The following PPFIA3 variants were observed in gnomAD, a reference collection of about 807,000 sequenced individuals.
PPFIA3 encodes the protein PPFI scaffold protein A3, also known as liprin-alpha-3.
Under a neutral mutation model 145.8 loss-of-function variants are expected in PPFIA3, and 26 were observed. That is an observed-to-expected ratio of 0.18 (90% CI 0.13 to 0.25). PPFIA3 has a LOEUF of 0.25. PPFIA3 is among the 10% of genes least tolerant of loss of function. PPFIA3 has a pLI of 1.00. For synonymous variants in PPFIA3, 645 were observed against 661.4 expected, an observed-to-expected ratio of 0.98 and a Z score of 0.38; for missense variants, 1,008 against 1,587.8, an observed-to-expected ratio of 0.63 and a Z score of 6.21.
At chr19:49,147,392 A>G (rs2041292282) in intron 23 of PPFIA3, among the ~76,000 whole-genome samples, 2 of 152,102 alleles carry the variant, frequency 1.3e-5, no homozygotes, top group African/African-American at 2.4e-5. Context: ...TCTCTAAAAA[A>G]TAAACAAATA....
intron 1 of PPFIA3, among the ~76,000 whole-genome samples, chr19:49,121,162 C>G (rs8101098): frequency 1.3e-5 from 2 of 151,956 alleles, no homozygotes; most frequent in Non-Finnish European, 2.9e-5. Context: ...TCCATTGCCC[C>G]CTGAGGCTCA....
chr19:49,125,234 AG>A (rs1380140440), intron 1 of PPFIA3: 1 of 152,420 alleles, frequency 6.6e-6, no homozygotes, highest in Admixed American at 6.5e-5. Context: ...CTCCTCTCCC[AG>A]GGCCCACGGC....
intron 15 of PPFIA3, 101 bp from the exon 16 acceptor site, chr19:49,138,104 C>T: frequency 2.1e-6 from 3 of 1,418,608 alleles, no homozygotes; most frequent in Non-Finnish European, 2.8e-6. Context: ...CCCAGAATTC[C>T]CATTGCCCCA....
chr19:49,142,089 G>C lies in PPFIA3; in HGVS notation c.2518G>C (p.Gly840Arg). 1 of 1,576,656 alleles carries C rather than the reference G, an allele frequency of 6.3e-7. No individual in the cohort carries two copies. Among genetic ancestry groups the C allele is most frequent in the Non-Finnish European group, 8.6e-7 (1 of 1,160,874 alleles). Residue 840 changes from glycine (G) to arginine (R), a missense_variant, in exon 20 of 30, where the codon GGG becomes CGG. Physicochemically the swap from Gly to Arg is moderately radical, Grantham distance 125 (BLOSUM62 -2). Transcript: ENST00000334186. Reference protein sequence around the residue: ...RQGLPFAAWDGPTVVSWLELW... With the variant: ...RQGLPFAAWDRPTVVSWLELW... ...GGGCCTACCTTTTGCTGCCTGGGAC[G>C]GGCCCACCGTGGTGTCCTGGCTGGA...
At chr19:49,132,956 C>T (rs2041092756) in intron 7 of PPFIA3, 45 bp from the exon 8 acceptor site, 1 of 1,588,326 alleles carries the variant, frequency 6.3e-7, no homozygotes, top group South Asian at 1.1e-5. Flanking sequence ...CCCGTCCTCT[C>T]CCCCAGGGGC....
At chr19:49,140,493 C>T (rs1012857061) in intron 18 of PPFIA3, among the ~76,000 whole-genome samples, 4 of 151,106 alleles carry the variant, frequency 2.6e-5, no homozygotes, top group South Asian at 4.2e-4. Context: ...GGACTATAGG[C>T]GCCCGCCACT....
intron 1 of PPFIA3, among the ~76,000 whole-genome samples, chr19:49,126,500 C>T (rs2041001013): frequency 6.6e-6 from 1 of 151,642 alleles, no homozygotes; most frequent in South Asian, 2.1e-4. Flanking sequence ...ATCTGCCCAT[C>T]TCGGCCTCCC....
chr19:49,144,932 C>CTTTT (rs1228634412), intron 21 of PPFIA3, among the ~76,000 whole-genome samples: 2 of 136,436 alleles, frequency 1.5e-5, no homozygotes, highest in African/African-American at 5.4e-5. Flanking sequence ...TCTTTTCTTT[C>CTTTT]TTTTTTTTTT....
Position 49,136,741 on chromosome 19 carries a change from C to T in PPFIA3, c.1683C>T (p.Ala561=). 6.5e-7 allele frequency: 1 copy of T among 1,546,364 alleles called. No homozygotes were observed. Among genetic ancestry groups the T allele is most frequent in the Non-Finnish European group, 8.8e-7 (1 of 1,142,032 alleles). ...AGGGATAGGATTGGGAGCGGTCTGC[C>T]CCTGCGGGCTCCATACCACCCCCAT... The part of the protein sequence containing the change: ...EEPSKDWERS[A]PAGSIPPPFP... The change falls in exon 15 of 30, where the codon GCC becomes GCT. Residue 561 remains alanine (A), a synonymous_variant. Transcript: ENST00000334186.
At chr19:49,135,032 G>GTTTTTTT in intron 13 of PPFIA3, 117 bp downstream of exon 13, 3 of 662,798 alleles carry the variant, frequency 4.5e-6, no homozygotes, top group South Asian at 2.6e-5. Context: ...CTCTGTTTTT[G>GTTTTTTT]TTTTTTGTTT....
At chr19:49,146,133 C>T (rs373212166) in intron 22 of PPFIA3, 33 bp from the exon 23 acceptor site, 23 of 1,614,036 alleles carry the variant, frequency 1.4e-5, no homozygotes, top group East Asian at 4.5e-5. Flanking sequence ...CTTAACTCAC[C>T]CCTTCTCTCC....
intron 18 of PPFIA3, among the ~76,000 whole-genome samples, 158 bp from the exon 19 acceptor site, chr19:49,141,262 C>A (rs2041217883): frequency 6.6e-6 from 1 of 152,246 alleles, no homozygotes; most frequent in Non-Finnish European, 1.5e-5. Context: ...GACTCCAATT[C>A]ATGGGCGCTT....
At chr19:49,131,588 T>C (rs1600331951) in intron 7 of PPFIA3, among the ~76,000 whole-genome samples, 1 of 151,812 alleles carries the variant, frequency 6.6e-6, no homozygotes, top group East Asian at 1.9e-4. Context: ...CCTGGATTCT[T>C]GAAGGCAGTG....
At chr19:49,124,527 G>A (rs1438541117) in intron 1 of PPFIA3, among the ~76,000 whole-genome samples, 2 of 152,134 alleles carry the variant, frequency 1.3e-5, no homozygotes, top group South Asian at 2.1e-4. Flanking sequence ...CTCTTGGCTG[G>A]TTCTAGATTA....
intron 5 of PPFIA3, 62 bp downstream of exon 5, chr19:49,129,516 G>A: frequency 6.6e-7 from 1 of 1,518,492 alleles, no homozygotes; most frequent in Non-Finnish European, 8.9e-7. Flanking sequence ...GGCTGCCCAC[G>A]GGGCGGAGCC....
chr19:49,123,336 G>T (rs10418960), intron 1 of PPFIA3, among the ~76,000 whole-genome samples: 2,081 of 151,934 alleles, frequency 0.014, 39 homozygotes, highest in African/African-American at 0.038. Flanking sequence ...GCCTGTTATC[G>T]TTGTTTAGAC....
At chr19:49,129,927 C>A in intron 5 of PPFIA3, 66 bp from the exon 6 acceptor site, 1 of 1,548,298 alleles carries the variant, frequency 6.5e-7, no homozygotes, top group Non-Finnish European at 8.9e-7. Flanking sequence ...AGGGCCAATG[C>A]CAGTGAGAAC....
Position 49,133,022 on chromosome 19 carries a change from A to G in PPFIA3, c.901A>G (p.Met301Val), listed in dbSNP as rs1283272363. The G allele has an allele frequency of 1.2e-6, 2 of 1,611,898 alleles. No homozygotes were observed. Among genetic ancestry groups the G allele is most frequent in the Non-Finnish European group, 1.7e-6 (2 of 1,179,726 alleles). ...LKEALAQRED[M>V]EERITTLEKR... is the part of the protein sequence containing the mutation. ...GCAGGCGCTGGCGCAGCGGGAAGAT[A>G]TGGAGGAGCGGATTACAACACTGGA... The change falls in exon 8 of 30, where the codon ATG (methionine) becomes GTG (valine). Residue 301 changes from methionine (M) to valine (V), a missense_variant. Coordinates refer to ENST00000334186, the MANE Select transcript of PPFIA3 (RefSeq NM_003660.4). This position sits in a 1 kb window ranked among gnomAD's most constrained non-coding sequence, Gnocchi z 7.2.
rs1345142686 is a variant in PPFIA3, at chr19:49,134,174, C to T, written c.1377+9C>T. The stretch of plus-strand genomic sequence containing the variant: ...GGGCGCTGGAGGAGAAGGTGCGCCC[C>T]CCATACAGGACTGCGGGACGCGGAA... On this transcript the variant is annotated intron_variant, in intron 11 of 29. Transcript: ENST00000334186. The T allele has an allele frequency of 6.2e-7, 1 of 1,603,598 alleles. No individual in the cohort carries two copies. Among genetic ancestry groups the T allele is most frequent in the East Asian group, 2.2e-5 (1 of 44,794 alleles).
Sources: allele counts gnomAD v4.1 joint callset (sites outside exome capture counted in the v4.1 genomes callset), GRCh38; gene constraint gnomAD v4.1.1; non-coding constraint Gnocchi (gnomAD v3.1); transcripts MANE v1.5; gene names NCBI Gene and HGNC (gene_info 2026-07-23, HGNC 2026-07-21).